The following MVB12B variants were observed in gnomAD, a reference collection of about 807,000 sequenced individuals.
MVB12B encodes ESCRT-I complex subunit MVB12B.
A neutral mutation model predicts 41.6 loss-of-function variants in MVB12B; 16 were observed. The observed-to-expected ratio is 0.38, with a 90% CI of 0.26 to 0.58. The LOEUF is 0.58. MVB12B is among the 20% of genes least tolerant of loss of function. MVB12B has a pLI of 0.62. For missense variants in MVB12B, 274 were observed against 380.2 expected (o/e 0.72, Z 2.32); for synonymous variants, 133 against 139.7 (o/e 0.95, Z 0.34).
chr9:126,326,968 GCCGCCGCCGCAGCCA>G lies in MVB12B; in HGVS notation c.50_64del (p.Gln17_Pro21del), dbSNP rs759101608. On this transcript the variant is annotated inframe_deletion, in exon 1 of 10. Coordinates refer to ENST00000361171, the MANE Select transcript of MVB12B (RefSeq NM_033446.3). Reference sequence around the variant, plus strand: ...TCTGCGTGAGACGGAGCCGGGACCCGCCGCCGCCGCAGCCACCGCCGCCGCCGCCCCAGCGGGGAA... The same window carrying G: ...TCTGCGTGAGACGGAGCCGGGACCCGCCGCCGCCGCCGCCCCAGCGGGGAA... The G allele has an allele frequency of 1.5e-4, 37 of 253,394 alleles. No homozygotes were observed. The highest frequency in any genetic ancestry group is 1.1e-3 in the South Asian group (32 of 28,678). The allele number at this position is 253,394 out of a possible 1,614,324, so 15.7% of individuals were successfully genotyped here.
rs992124543 is a variant in MVB12B at position 126,503,260 on chromosome 9, C to G, written c.957C>G (p.Ser319=). ...SPTRCQQIPQ[S] is the part of the protein sequence containing the mutation. Reference sequence around the variant, plus strand: ...CCAGGTGTCAGCAGATCCCGCAGTCCTGAGGAGCCAGCGGCCACCTGCGGG... The same window carrying G: ...CCAGGTGTCAGCAGATCCCGCAGTCGTGAGGAGCCAGCGGCCACCTGCGGG... Residue 319 remains serine, a synonymous_variant, in exon 10 of 10, where the codon TCC becomes TCG. Coordinates refer to ENST00000361171, the MANE Select transcript of MVB12B (RefSeq NM_033446.3). 1 of 1,549,934 alleles carries G rather than the reference C, an allele frequency of 6.5e-7. No homozygotes were observed. The highest frequency in any genetic ancestry group is 1.4e-5 in the African/African-American group (1 of 73,046).
At position 126,367,344 on chromosome 9, in the gene MVB12B, G is replaced by A. The variant is rs1830210740; in HGVS notation, c.205-13720G>A. On this transcript the variant is annotated intron_variant, in intron 2 of 9. Coordinates refer to ENST00000361171, the MANE Select transcript of MVB12B (RefSeq NM_033446.3). The surrounding 1 kb of genome is among the most constrained non-coding windows in gnomAD (Gnocchi z 4.3). ...CAGCTCCTCCCACCAGATCTCTGTGGTCGTATGGTCTGCTCTCTCTCTCTC... is the reference window on the plus strand; with the variant it reads ...CAGCTCCTCCCACCAGATCTCTGTGATCGTATGGTCTGCTCTCTCTCTCTC... Among the ~76,000 whole-genome samples the A allele has an allele frequency of 2.6e-5, 4 of 151,950 alleles. No individual in the cohort carries two copies. In the South Asian group the frequency reaches 8.3e-4, roughly 32 times the overall value.
intron 7 of MVB12B, among the ~76,000 whole-genome samples, chr9:126,456,274 C>T (rs927603766): frequency 1.3e-5 from 2 of 152,150 alleles, no homozygotes; most frequent in Non-Finnish European, 2.9e-5. Flanking sequence ...CAAGATATTC[C>T]CAAATCTCCA....
rs1831103292 is a variant in MVB12B, at chr9:126,395,999, T to C, written c.662+302T>C. The C allele has an allele frequency of 1.7e-6, 2 of 1,162,510 alleles. No homozygotes were observed. The highest frequency in any genetic ancestry group is 1.1e-6 in the Non-Finnish European group (1 of 939,772). The allele number at this position is 1,162,510 out of a possible 1,614,324, so 72.0% of individuals were successfully genotyped here. A position where few individuals can be genotyped will look rare whatever the true frequency, so the allele number is the denominator to read the frequency against. On this transcript the variant is annotated intron_variant, in intron 6 of 9. Coordinates refer to ENST00000361171, the MANE Select transcript of MVB12B (RefSeq NM_033446.3). This position sits in a 1 kb window ranked among gnomAD's most constrained non-coding sequence, Gnocchi z 4.9. ...CTGCTAGCTACACACAGACACGTGCTGTATAGCCATGGGGTTGGGATCACT... is the reference window on the plus strand; with the variant it reads ...CTGCTAGCTACACACAGACACGTGCCGTATAGCCATGGGGTTGGGATCACT...
intron 9 of MVB12B, among the ~76,000 whole-genome samples, chr9:126,500,980 C>G (rs1049150222): frequency 3.9e-5 from 6 of 152,210 alleles, no homozygotes; most frequent in African/African-American, 1.4e-4. Context: ...CCGCGCAGGG[C>G]GGATGTCAGT....
intron 6 of MVB12B, among the ~76,000 whole-genome samples, chr9:126,412,833 A>G (rs528609619): frequency 1.3e-4 from 20 of 152,208 alleles, no homozygotes; most frequent in Non-Finnish European, 2.4e-4. Context: ...TCATTCTGCA[A>G]CTTTGTTTTT....
Position 126,391,887 on chromosome 9 carries a change from G to A in MVB12B, c.410-179G>A, listed in dbSNP as rs977038437. The stretch of plus-strand genomic sequence containing the variant: ...GTCTGGGTTGGGTCCCACATGCAGA[G>A]CAGGGTGACTGCAGCCCCGGGGAAG... On this transcript the variant is annotated intron_variant, in intron 4 of 9. Coordinates refer to ENST00000361171, the MANE Select transcript of MVB12B (RefSeq NM_033446.3). This position sits in a 1 kb window ranked among gnomAD's most constrained non-coding sequence, Gnocchi z 4.4. Among the ~76,000 whole-genome samples the A allele has an allele frequency of 2.6e-5, 4 of 152,190 alleles. No homozygotes were observed. The highest frequency in any genetic ancestry group is 9.7e-5 in the African/African-American group (4 of 41,436).
At chr9:126,455,182 A>T (rs1281015296) in intron 7 of MVB12B, among the ~76,000 whole-genome samples, 3 of 150,756 alleles carry the variant, frequency 2.0e-5, no homozygotes, top group Non-Finnish European at 4.4e-5. Flanking sequence ...TTTATTTTTT[A>T]TTTTATTTTA....
At position 126,391,397 on chromosome 9, in the gene MVB12B, G is replaced by A. The variant is rs765984305; in HGVS notation, c.410-669G>A. Among the ~76,000 whole-genome samples the A allele has an allele frequency of 6.6e-6, 1 of 152,244 alleles. No homozygotes were observed. Among genetic ancestry groups the A allele is most frequent in the Non-Finnish European group, 1.5e-5 (1 of 68,038 alleles). ...TCAGCATCCTGGGGATCCAGATGCA[G>A]ACAGACTGGAGAAAACGTGGATGTA... On this transcript the variant is annotated intron_variant, in intron 4 of 9. Coordinates refer to ENST00000361171, the MANE Select transcript of MVB12B (RefSeq NM_033446.3). The surrounding 1 kb of genome is among the most constrained non-coding windows in gnomAD (Gnocchi z 4.4).
At chr9:126,490,849 C>T (rs1382882128) in intron 9 of MVB12B, among the ~76,000 whole-genome samples, 1 of 152,176 alleles carries the variant, frequency 6.6e-6, no homozygotes, top group African/African-American at 2.4e-5. Context: ...AGTCAGTCCT[C>T]AAGAGTGTAG....
In MVB12B at chr9:126,374,248, T is replaced by C. The variant is rs370069910; in HGVS notation, c.205-6816T>C. On this transcript the variant is annotated intron_variant, in intron 2 of 9. Coordinates refer to ENST00000361171, the MANE Select transcript of MVB12B (RefSeq NM_033446.3). ...GTCCCTTTAATATGACAACTTTATT[T>C]CTACCCTAGGGTCTTCACAGTAACT... Among the ~76,000 whole-genome samples the C allele has an allele frequency of 1.7e-4, 26 of 152,382 alleles. No individual in the cohort carries two copies. In the Middle Eastern group the frequency reaches 0.014, roughly 80 times the overall value.
At chr9:126,443,154 A>G (rs1211943207) in intron 7 of MVB12B, among the ~76,000 whole-genome samples, 5 of 152,144 alleles carry the variant, frequency 3.3e-5, no homozygotes. Flanking sequence ...GGTGTTCAGC[A>G]CAGTGGAAGT....
chr9:126,403,736 A>G (rs16928974), intron 6 of MVB12B, among the ~76,000 whole-genome samples: 1 of 152,080 alleles, frequency 6.6e-6, no homozygotes, highest in African/African-American at 2.4e-5. Flanking sequence ...TGGCCCCAAG[A>G]TGGTAAAGAA....
rs1169663956 is a variant in MVB12B at position 126,468,528 on chromosome 9, C to G, written c.758-12841C>G. On this transcript the variant is annotated intron_variant, in intron 7 of 9. Coordinates refer to ENST00000361171, the MANE Select transcript of MVB12B (RefSeq NM_033446.3). This position sits in a 1 kb window ranked among gnomAD's most constrained non-coding sequence, Gnocchi z 4.3. Reference sequence around the variant, plus strand: ...TGGGGTCACCCTTGATTCCGCCTTGCCCCTCTGCAGCCAGTGGCCAGGTCT... The same window carrying G: ...TGGGGTCACCCTTGATTCCGCCTTGGCCCTCTGCAGCCAGTGGCCAGGTCT... Among the ~76,000 whole-genome samples the G allele has an allele frequency of 5.3e-5, 8 of 152,212 alleles. No homozygotes were observed. Among genetic ancestry groups the G allele is most frequent in the Admixed American group, 5.2e-4 (8 of 15,286 alleles).
chr9:126,356,600 A>G (rs956940459), intron 2 of MVB12B, among the ~76,000 whole-genome samples: 1 of 152,056 alleles, frequency 6.6e-6, no homozygotes, highest in African/African-American at 2.4e-5. Context: ...CCCTTTTACA[A>G]TGCATCCCTG....
At chr9:126,449,008 A>C (rs538360790) in intron 7 of MVB12B, among the ~76,000 whole-genome samples, 1 of 152,220 alleles carries the variant, frequency 6.6e-6, no homozygotes, top group Non-Finnish European at 1.5e-5. Context: ...GTGGCATAGA[A>C]GGAAGGGCAG....
chr9:126,474,124 G>T (rs969467360), intron 7 of MVB12B, among the ~76,000 whole-genome samples: 3 of 152,154 alleles, frequency 2.0e-5, no homozygotes, highest in African/African-American at 4.8e-5. Flanking sequence ...CAGCGTGGGG[G>T]GATGAAGCCC....
intron 2 of MVB12B, among the ~76,000 whole-genome samples, chr9:126,361,550 G>T (rs964630490): frequency 1.3e-5 from 2 of 151,552 alleles, no homozygotes; most frequent in African/African-American, 4.9e-5. Context: ...CATTTGTGTA[G>T]ATCTGCATCT....
chr9:126,352,127 G>T (rs936060535), intron 2 of MVB12B, among the ~76,000 whole-genome samples: 3 of 151,820 alleles, frequency 2.0e-5, no homozygotes, highest in Admixed American at 6.6e-5. Flanking sequence ...TTTTTTGGCT[G>T]TTACAGATGT....
Sources: allele counts gnomAD v4.1 joint callset (sites outside exome capture counted in the v4.1 genomes callset), GRCh38; gene constraint gnomAD v4.1.1; non-coding constraint Gnocchi (gnomAD v3.1); transcripts MANE v1.5; gene names NCBI Gene and HGNC (gene_info 2026-07-23, HGNC 2026-07-21).